ORC5: variants seen among roughly 807,000 people sequenced by gnomAD.
ORC5 encodes the protein origin recognition complex subunit 5, also known as protein phosphatase 1, regulatory subunit 117.
In ORC5, 39 loss-of-function variants were observed where a neutral mutation model predicts 58.8. That is an observed-to-expected ratio of 0.66 (90% CI 0.51 to 0.87). The LOEUF is 0.87. Among genes scored for constraint, ORC5 ranks in the 40% least tolerant of loss-of-function variants. The pLI is 0.00. For missense variants in ORC5, 493 were observed against 506.3 expected (o/e 0.97, Z 0.25); for synonymous variants, 218 against 177.6 (o/e 1.23, Z -1.81).
chr7:104,185,905 A>G (rs896738155), intron 6 of ORC5, among the ~76,000 whole-genome samples: 4 of 152,096 alleles, frequency 2.6e-5, no homozygotes, highest in African/African-American at 9.6e-5. Flanking sequence ...ATAACTAGAT[A>G]ACAGAAAACT....
chr7:104,139,007 T>C (rs1416259811), intron 12 of ORC5, among the ~76,000 whole-genome samples: 2 of 152,188 alleles, frequency 1.3e-5, no homozygotes, highest in African/African-American at 4.8e-5. Context: ...TGAGCGCCCA[T>C]TGTCTTCTCC....
rs1798430465 is a variant in ORC5, at chr7:104,126,472, T to C, written c.*376A>G. On this transcript the variant is annotated 3_prime_UTR_variant, in exon 14 of 14. Transcript: ENST00000297431. ...GGAGAGGAAGTGAAAAGAATGGGCA[T>C]ATAAACAAGGGCTGCTGGCACGTTC... is the stretch of plus-strand genomic sequence containing the variant. The C allele has an allele frequency of 1.2e-5, 2 of 172,270 alleles. No homozygotes were observed. The highest frequency in any genetic ancestry group is 2.5e-5 in the Non-Finnish European group (2 of 81,280). The allele number at this position is 172,270 out of a possible 1,614,324, so 10.7% of individuals were successfully genotyped here. A position where few individuals can be genotyped will look rare whatever the true frequency, so the allele number is the denominator to read the frequency against.
chr7:104,165,151 G>A, intron 11 of ORC5, 84 bp downstream of exon 11: 1 of 707,536 alleles, frequency 1.4e-6, no homozygotes, highest in Non-Finnish European at 2.4e-6. Flanking sequence ...ATATTCAAAT[G>A]ACAAATACAA....
At chr7:104,147,529 C>T (rs1798776333) in intron 12 of ORC5, among the ~76,000 whole-genome samples, 1 of 151,898 alleles carries the variant, frequency 6.6e-6, no homozygotes, top group African/African-American at 2.4e-5. Flanking sequence ...CTGAGCTTGC[C>T]CATCAGGACT....
At chr7:104,180,578 A>T (rs1562821149) in intron 8 of ORC5, among the ~76,000 whole-genome samples, 1 of 128,680 alleles carries the variant, frequency 7.8e-6, no homozygotes, top group Non-Finnish European at 1.8e-5. Context: ...ATTCTAAATT[A>T]AATATTTTTG....
intron 5 of ORC5, among the ~76,000 whole-genome samples, chr7:104,191,346 G>C (rs3757734): frequency 0.38 from 58,043 of 151,808 alleles, 13,092 homozygotes; most frequent in Non-Finnish European, 0.52. Flanking sequence ...GGAAGGAAGA[G>C]ATAAATGATC....
At chr7:104,127,430 A>G (rs977734313) in intron 13 of ORC5, among the ~76,000 whole-genome samples, 1 of 152,228 alleles carries the variant, frequency 6.6e-6, no homozygotes, top group Non-Finnish European at 1.5e-5. Flanking sequence ...TACAACAAAC[A>G]GATGATGTGA....
intron 12 of ORC5, among the ~76,000 whole-genome samples, chr7:104,160,676 A>T (rs527623056): frequency 3.1e-4 from 47 of 152,272 alleles, no homozygotes; most frequent in African/African-American, 1.1e-3. Flanking sequence ...TGCAAAGTAC[A>T]TAGATGAGGA....
At chr7:104,193,322 G>C (rs1417506353) in intron 5 of ORC5, among the ~76,000 whole-genome samples, 1 of 151,958 alleles carries the variant, frequency 6.6e-6, no homozygotes, top group Non-Finnish European at 1.5e-5. Context: ...AATGTTCTTA[G>C]GTAGGAAACT....
chr7:104,195,042 A>ATT lies in ORC5; in HGVS notation c.553+100_553+101insAA, dbSNP rs1445321175. 6 of 611,786 alleles carry ATT rather than the reference A, an allele frequency of 9.8e-6. No individual in the cohort carries two copies. In the African/African-American group the frequency reaches 1.2e-4, roughly 12 times the overall value. The allele number at this position is 611,786 out of a possible 1,614,324, so 37.9% of individuals were successfully genotyped here. A position where few individuals can be genotyped will look rare whatever the true frequency, so the allele number is the denominator to read the frequency against. ...AATTCCCATTTGAATATCAAATGGG[A>ATT]ATAACAAAGTATTCCCATTTGAATA... On this transcript the variant is annotated intron_variant, in intron 5 of 13. Transcript: ENST00000297431.
At chr7:104,164,847 C>A (rs919878870) in intron 11 of ORC5, among the ~76,000 whole-genome samples, 2 of 152,158 alleles carry the variant, frequency 1.3e-5, no homozygotes, top group African/African-American at 4.8e-5. Flanking sequence ...ACCTACCATG[C>A]AATTGCAAAT....
intron 12 of ORC5, among the ~76,000 whole-genome samples, chr7:104,146,817 G>T (rs954917408): frequency 5.9e-5 from 9 of 152,066 alleles, no homozygotes; most frequent in Admixed American, 3.9e-4. Context: ...ATAGAAGTAG[G>T]GAAATCTGAA....
rs1180237690 is a variant in ORC5 at position 104,207,978 on chromosome 7, G to C, written c.-74C>G. The C allele has an allele frequency of 4.2e-6, 6 of 1,413,442 alleles. No homozygotes were observed. The highest frequency in any genetic ancestry group is 6.0e-6 in the Non-Finnish European group (6 of 1,005,782). The allele number at this position is 1,413,442 out of a possible 1,614,324, so 87.6% of individuals were successfully genotyped here. On this transcript the variant is annotated 5_prime_UTR_variant, in exon 1 of 14. Transcript: ENST00000297431. ...TTGCACAAGACGGAGCCTCTCCCGA[G>C]TCTGGCGGCCCACGCTCCCGCCGGA... is the stretch of plus-strand genomic sequence containing the variant.
chr7:104,195,883 T>C (rs2116056023), intron 4 of ORC5, among the ~76,000 whole-genome samples: 1 of 152,324 alleles, frequency 6.6e-6, no homozygotes, highest in South Asian at 2.1e-4. Context: ...AGATTTTAAA[T>C]TGGTAATGTT....
rs996840759 is a variant in ORC5 at position 104,136,637 on chromosome 7, G to A, written c.1262+144C>T. ...TTACATCATTTGTAAATTTGAGAAG[G>A]TTCATTCTATCGTACAGCTTATTCA... On this transcript the variant is annotated intron_variant, in intron 13 of 13. Transcript: ENST00000297431. The surrounding 1 kb of genome is among the most constrained non-coding windows in gnomAD (Gnocchi z 4.2). 9.3e-6 allele frequency: 5 copies of A among 535,212 alleles called. No homozygotes were observed. The East Asian group carries it at 1.2e-4, about 12-fold the overall frequency. 33.2% of individuals were successfully genotyped at this position (535,212 alleles called of 1,614,324 possible). A position where few individuals can be genotyped will look rare whatever the true frequency, so the allele number is the denominator to read the frequency against.
At position 104,195,242 on chromosome 7, in the gene ORC5, C is replaced by T; in HGVS notation, c.454G>A (p.Val152Met). 6.5e-7 allele frequency: 1 copy of T among 1,539,282 alleles called. No homozygotes were observed. Among genetic ancestry groups the T allele is most frequent in the Non-Finnish European group, 8.7e-7 (1 of 1,145,148 alleles). ...ATTTCACTGAGAAAGAGAACAGTCA[C>T]ATTTCTGTCAGCCTGTAAAAAGAAA... Reference protein sequence around the residue: ...LRLQELADRNVTVLFLSEIVW... With the variant: ...LRLQELADRNMTVLFLSEIVW... The change falls in exon 5 of 14, where the codon GTG becomes ATG. Residue 152 changes from valine (V) to methionine (M), a missense_variant. Val to Met is a conservative substitution (Grantham distance 21). This residue lies in a region of ORC5 where 412 missense variants were observed against 403.7 expected (regional missense o/e 1.02). Coordinates refer to ENST00000297431, the MANE Select transcript of ORC5 (RefSeq NM_002553.4).
chr7:104,161,042 T>C (rs1319905985), intron 12 of ORC5, 30 bp downstream of exon 12: 17 of 1,163,992 alleles, frequency 1.5e-5, no homozygotes, highest in Non-Finnish European at 1.9e-5. Context: ...CCCACAAAGA[T>C]GACAGATAAT....
At chr7:104,168,381 C>G in intron 9 of ORC5, 92 bp downstream of exon 9, 1 of 1,529,870 alleles carries the variant, frequency 6.5e-7, no homozygotes, top group African/African-American at 1.4e-5. Flanking sequence ...AACACTATTT[C>G]CTGACTGAAT....
At chr7:104,168,572 C>G in intron 8 of ORC5, 47 bp from the exon 9 acceptor site, 2 of 1,260,160 alleles carry the variant, frequency 1.6e-6, no homozygotes, top group Non-Finnish European at 2.2e-6. Context: ...TAAATAAAAT[C>G]AATATGGTGT....
Sources: allele counts gnomAD v4.1 joint callset (sites outside exome capture counted in the v4.1 genomes callset), GRCh38; gene constraint gnomAD v4.1.1; regional missense constraint gnomAD v4.1.1; non-coding constraint Gnocchi (gnomAD v3.1); transcripts MANE v1.5; gene names NCBI Gene and HGNC (gene_info 2026-07-23, HGNC 2026-07-21).